MEI4: variants seen among roughly 807,000 people sequenced by gnomAD.
MEI4 encodes meiosis-specific protein MEI4.
Under a neutral mutation model 31.4 loss-of-function variants are expected in MEI4, and 27 were observed. The observed-to-expected ratio is 0.86, with a 90% CI of 0.63 to 1.19. The LOEUF (loss-of-function observed/expected upper bound fraction) is 1.19. Ranked by LOEUF, MEI4 falls within the 50% of genes most tolerant of loss-of-function variation. The pLI is 0.00. For synonymous variants in MEI4, 122 were observed against 145.4 expected, an observed-to-expected ratio of 0.84 and a Z score of 1.16; for missense variants, 329 against 398.9, an observed-to-expected ratio of 0.82 and a Z score of 1.49.
chr6:77,858,465 A>G (rs1770791799), intron 4 of MEI4, among the ~76,000 whole-genome samples: 1 of 152,176 alleles, frequency 6.6e-6, no homozygotes, highest in Non-Finnish European at 1.5e-5. Context: ...CTTACATGGT[A>G]CAATACATTA....
At chr6:77,917,131 T>C (rs1766577831) in intron 4 of MEI4, among the ~76,000 whole-genome samples, 1 of 152,034 alleles carries the variant, frequency 6.6e-6, no homozygotes, top group Non-Finnish European at 1.5e-5. Flanking sequence ...TAGTATTCCG[T>C]GGTGTATATG....
At chr6:77,757,005 C>T (rs2127680675) in intron 2 of MEI4, among the ~76,000 whole-genome samples, 1 of 152,292 alleles carries the variant, frequency 6.6e-6, no homozygotes, top group East Asian at 1.9e-4. Flanking sequence ...TGTACAGAAG[C>T]TGGAATAGAG....
intron 2 of MEI4, among the ~76,000 whole-genome samples, chr6:77,699,275 G>A (rs1373121404): frequency 2.8e-5 from 4 of 143,302 alleles, no homozygotes; most frequent in South Asian, 4.4e-4. Flanking sequence ...CTGCAAGCTC[G>A]GCCTCCCGGG....
chr6:77,914,468 A>T (rs1056603207), intron 4 of MEI4, among the ~76,000 whole-genome samples: 4 of 151,252 alleles, frequency 2.6e-5, no homozygotes, highest in South Asian at 4.2e-4. Context: ...CTTAATACTA[A>T]TTTTTTTTTA....
At chr6:77,910,989 T>G (rs966393332) in intron 4 of MEI4, among the ~76,000 whole-genome samples, 2 of 151,430 alleles carry the variant, frequency 1.3e-5, no homozygotes, top group Admixed American at 1.3e-4. Context: ...CGGATCACAT[T>G]GTAGTTTTTA....
At chr6:77,813,872 G>T (rs1769629735) in intron 3 of MEI4, among the ~76,000 whole-genome samples, 1 of 151,824 alleles carries the variant, frequency 6.6e-6, no homozygotes, top group South Asian at 2.1e-4. Flanking sequence ...AATGTCATTG[G>T]ACCTATCTGT....
chr6:77,830,905 A>G (rs1190018706), intron 4 of MEI4, among the ~76,000 whole-genome samples: 2 of 152,060 alleles, frequency 1.3e-5, no homozygotes. Context: ...GACAAATGAG[A>G]ATATATCAAG....
intron 2 of MEI4, among the ~76,000 whole-genome samples, chr6:77,758,112 G>C (rs2127681043): frequency 6.9e-6 from 1 of 145,734 alleles, no homozygotes; most frequent in East Asian, 2.0e-4. Context: ...CCAAGATCGT[G>C]CCACTGCACT....
intron 3 of MEI4, among the ~76,000 whole-genome samples, chr6:77,779,571 T>A (rs1582133544): frequency 6.6e-6 from 1 of 152,204 alleles, no homozygotes; most frequent in South Asian, 2.1e-4. Context: ...TGCATATGAT[T>A]TTTGCTGAGC....
At position 77,713,904 on chromosome 6, in the gene MEI4, GTT is replaced by G. The variant is rs989684634; in HGVS notation, c.232+23009_232+23010del. 2.6e-5 allele frequency among the ~76,000 whole-genome samples: 4 copies of G among 151,098 alleles called. No homozygotes were observed. The South Asian group carries it at 8.4e-4, about 32-fold the overall frequency. ...GTCTGCCATGCTTATTGCCTCTACA[GTT>G]TTTTTTTCTGTCACAGTTAAGATCA... On this transcript the variant is annotated intron_variant, in intron 2 of 4. Coordinates refer to ENST00000684080, the MANE Select transcript of MEI4 (RefSeq NM_001322247.2).
At chr6:77,870,371 G>A (rs1032348250) in intron 4 of MEI4, among the ~76,000 whole-genome samples, 3 of 152,078 alleles carry the variant, frequency 2.0e-5, no homozygotes, top group Non-Finnish European at 2.9e-5. Context: ...ATTTAAGGTA[G>A]GCTAAGCTAT....
chr6:77,736,315 A>G (rs1459401893), intron 2 of MEI4, among the ~76,000 whole-genome samples: 2 of 151,890 alleles, frequency 1.3e-5, no homozygotes. Flanking sequence ...CCTCCGAGCC[A>G]TGTGCGGGAT....
At chr6:77,853,574 A>G (rs1036800877) in intron 4 of MEI4, among the ~76,000 whole-genome samples, 2 of 152,340 alleles carry the variant, frequency 1.3e-5, no homozygotes, top group East Asian at 1.9e-4. Flanking sequence ...GCATGAGGCA[A>G]TGTGCATCAG....
chr6:77,923,215 A>G lies in MEI4; in HGVS notation c.1027A>G (p.Ile343Val). 1.6e-6 allele frequency: 2 copies of G among 1,230,628 alleles called. No individual in the cohort carries two copies. The highest frequency in any genetic ancestry group is 2.0e-6 in the Non-Finnish European group (2 of 986,954). 76.2% of individuals were successfully genotyped at this position (1,230,628 alleles called of 1,614,324 possible). ...AAGTATAGGTCATGATGACCAAGAA[A>G]TCAAGAAATTTCTTCAGAAGCATGA... ...TSSIGHDDQEIKKFLQKHDET... is the reference protein window; with the variant it reads ...TSSIGHDDQEVKKFLQKHDET... Residue 343 changes from isoleucine (I) to valine (V), a missense_variant, in exon 5 of 5, where the codon ATC becomes GTC. Physicochemically the swap from Ile to Val is conservative, Grantham distance 29 (BLOSUM62 3). Coordinates refer to ENST00000684080, the MANE Select transcript of MEI4 (RefSeq NM_001322247.2).
chr6:77,848,983 G>A (rs1770550345), intron 4 of MEI4, among the ~76,000 whole-genome samples: 1 of 151,960 alleles, frequency 6.6e-6, no homozygotes, highest in Admixed American at 6.6e-5. Context: ...CAGCTGCACT[G>A]TCCAAACCAA....
In MEI4 at chr6:77,923,226, T is replaced by A; in HGVS notation, c.1038T>A (p.Phe346Leu). The A allele has an allele frequency of 8.1e-7, 1 of 1,230,582 alleles. No individual in the cohort carries two copies. Among genetic ancestry groups the A allele is most frequent in the Non-Finnish European group, 1.0e-6 (1 of 986,922 alleles). The allele number at this position is 1,230,582 out of a possible 1,614,324, so 76.2% of individuals were successfully genotyped here. ...IGHDDQEIKK[F>L]LQKHDETIFQ... ...ATGATGACCAAGAAATCAAGAAATTTCTTCAGAAGCATGATGAAACTATTT... is the reference window on the plus strand; with the variant it reads ...ATGATGACCAAGAAATCAAGAAATTACTTCAGAAGCATGATGAAACTATTT... Residue 346 changes from phenylalanine (F) to leucine (L), a missense_variant, in exon 5 of 5, where the codon TTT (phenylalanine) becomes TTA (leucine). Transcript: ENST00000684080.
At chr6:77,871,545 G>A (rs944692750) in intron 4 of MEI4, among the ~76,000 whole-genome samples, 3 of 151,984 alleles carry the variant, frequency 2.0e-5, no homozygotes, top group African/African-American at 4.8e-5. Context: ...GAGACTACTA[G>A]CAGGGAGAGA....
intron 1 of MEI4, among the ~76,000 whole-genome samples, chr6:77,676,902 G>A (rs1157206039): frequency 6.6e-6 from 1 of 152,164 alleles, no homozygotes; most frequent in Non-Finnish European, 1.5e-5. Context: ...GGCCTCAAGT[G>A]TGGTATGCTG....
intron 4 of MEI4, among the ~76,000 whole-genome samples, chr6:77,874,627 A>G (rs1189212498): frequency 6.6e-6 from 1 of 152,130 alleles, no homozygotes; most frequent in Non-Finnish European, 1.5e-5. Context: ...CCCTGGCCAG[A>G]ACTTCCAACA....
Sources: gnomAD v4.1 joint callset for allele counts (sites outside exome capture counted in the v4.1 genomes callset) on GRCh38, gnomAD v4.1.1 for gene constraint, MANE v1.5 for transcripts, NCBI Gene and HGNC (gene_info 2026-07-23, HGNC 2026-07-21) for gene names.